Variants in ZYX observed in about 807,000 individuals in gnomAD.
The protein encoded by ZYX is zyxin.
ZYX carries 37 observed loss-of-function variants against 58.1 expected under a neutral mutation model. That is an observed-to-expected ratio of 0.64 (90% CI 0.49 to 0.84). The LOEUF (loss-of-function observed/expected upper bound fraction) is 0.84, where lower values mean the gene tolerates loss of function less well. ZYX is among the 40% of genes least tolerant of loss of function. ZYX has a pLI of 0.00. For synonymous variants in ZYX, 324 were observed against 321.1 expected (o/e 1.01, Z -0.10); for missense variants, 762 against 761.6 (o/e 1.00, Z -0.01).
intron 5 of ZYX, among the ~76,000 whole-genome samples, chr7:143,386,098 ATG>A (rs1170847794): frequency 1.3e-5 from 2 of 150,972 alleles, no homozygotes. Context: ...GTATGTGGGT[ATG>A]TGTGAGGGTG....
Position 143,383,205 on chromosome 7 carries a change from T to C in ZYX, c.906T>C (p.Leu302=), listed in dbSNP as rs757055996. 1.4e-5 allele frequency: 22 copies of C among 1,614,152 alleles called. No homozygotes were observed. Among genetic ancestry groups the C allele is most frequent in the Non-Finnish European group, 1.9e-5 (22 of 1,180,030 alleles). The change falls in exon 5 of 10, where the codon CTT becomes CTC. Residue 302 remains leucine, a synonymous_variant. Transcript: ENST00000322764. ...PNQKLGHPEA[L]SAGTGSPQPP... is the part of the protein sequence containing the mutation. The stretch of plus-strand genomic sequence containing the variant: ...AAAAATTGGGGCACCCCGAAGCTCT[T>C]TCTGCTGGCACAGGCTCCCCTCAAC...
At position 143,381,416 on chromosome 7, in the gene ZYX, C is replaced by A. The variant is rs1421618368; in HGVS notation, c.-16+7C>A. ...GCGCACGCTCCGGCCTGCGGTGAGGCGCGGGGAGCGGCAGGGCGGCCCCAC... is the reference window on the plus strand; with the variant it reads ...GCGCACGCTCCGGCCTGCGGTGAGGAGCGGGGAGCGGCAGGGCGGCCCCAC... On this transcript the variant is annotated splice_region_variant and intron_variant, in intron 1 of 9. Coordinates refer to ENST00000322764, the MANE Select transcript of ZYX (RefSeq NM_003461.5). 1.5e-5 allele frequency: 19 copies of A among 1,239,576 alleles called. No individual in the cohort carries two copies. The highest frequency in any genetic ancestry group is 8.8e-5 in the Admixed American group (2 of 22,634). 76.8% of individuals were successfully genotyped at this position (1,239,576 alleles called of 1,614,324 possible). A position where few individuals can be genotyped will look rare whatever the true frequency, so the allele number is the denominator to read the frequency against.
In ZYX at chr7:143,388,306, G is replaced by A; in HGVS notation, c.1111G>A (p.Glu371Lys). ...QLTQQLMQDMEHPQRQNVAVN... is the reference protein window; with the variant it reads ...QLTQQLMQDMKHPQRQNVAVN... ...GACCCAGCAGCTAATGCAGGACATGGAGCATCCTCAGAGGCAGAATGTGGC... is the reference window on the plus strand; with the variant it reads ...GACCCAGCAGCTAATGCAGGACATGAAGCATCCTCAGAGGCAGAATGTGGC... The change falls in exon 6 of 10, where the codon GAG (glutamate) becomes AAG (lysine). Residue 371 changes from glutamate to lysine, a missense_variant. Physicochemically the swap from Glu to Lys is moderately conservative, Grantham distance 56 (BLOSUM62 1). Transcript: ENST00000322764. This position sits in a 1 kb window ranked among gnomAD's most constrained non-coding sequence, Gnocchi z 7.5. The A allele has an allele frequency of 6.2e-7, 1 of 1,613,824 alleles. No homozygotes were observed. The highest frequency in any genetic ancestry group is 8.5e-7 in the Non-Finnish European group (1 of 1,179,850).
chr7:143,388,606 G>A lies in ZYX; in HGVS notation c.1262G>A (p.Gly421Asp). Reference sequence around the variant, plus strand: ...CACCAGTGTGCGCAGCAGCTCCAGGGCCAGCAGTTCTACAGTCTGGAGGGG... The same window carrying A: ...CACCAGTGTGCGCAGCAGCTCCAGGACCAGCAGTTCTACAGTCTGGAGGGG... ...TCHQCAQQLQ[G>D]QQFYSLEGAP... Residue 421 changes from glycine (G) to aspartate (D), a missense_variant, in exon 7 of 10, where the codon GGC becomes GAC. Coordinates refer to ENST00000322764, the MANE Select transcript of ZYX (RefSeq NM_003461.5). The surrounding 1 kb of genome is among the most constrained non-coding windows in gnomAD (Gnocchi z 7.5). 6.2e-7 allele frequency: 1 copy of A among 1,613,230 alleles called. No individual in the cohort carries two copies. Among genetic ancestry groups the A allele is most frequent in the Non-Finnish European group, 8.5e-7 (1 of 1,179,970 alleles).
At chr7:143,385,628 A>AGTGGT (rs1386882869) in intron 5 of ZYX, among the ~76,000 whole-genome samples, 26 of 132,430 alleles carry the variant, frequency 2.0e-4, no homozygotes, top group African/African-American at 5.8e-4. Flanking sequence ...TATATATGTG[A>AGTGGT]GTGGTGTGTG....
rs1804637061 is a variant in ZYX at position 143,382,205 on chromosome 7, G to A, written c.209-43G>A. The stretch of plus-strand genomic sequence containing the variant: ...TTAACTGAGGGGAGCTTGGGTGAGG[G>A]GTAGAGGGACCCCGGCCGACGTCTT... On this transcript the variant is annotated intron_variant, in intron 2 of 9. Transcript: ENST00000322764. 1.9e-6 allele frequency: 3 copies of A among 1,540,694 alleles called. No homozygotes were observed. In the East Asian group the frequency reaches 6.7e-5, roughly 35 times the overall value.
chr7:143,390,586 G>GA lies in ZYX; in HGVS notation c.1625dup (p.Pro543AlafsTer5), dbSNP rs952240012. 10 of 1,567,186 alleles carry GA rather than the reference G, an allele frequency of 6.4e-6. No individual in the cohort carries two copies. The highest frequency in any genetic ancestry group is 8.7e-6 in the Non-Finnish European group (10 of 1,155,144). ...CCCTTCCTTCTTCCCAGGACTGCGGGAAGCCCCTGTCGATTGAGGCAGATG... is the reference window on the plus strand; with the variant it reads ...CCCTTCCTTCTTCCCAGGACTGCGGGAAAGCCCCTGTCGATTGAGGCAGATG... On this transcript the variant is annotated frameshift_variant, in exon 10 of 10. Transcript: ENST00000322764. LOFTEE classifies it high-confidence loss of function. The surrounding 1 kb of genome is among the most constrained non-coding windows in gnomAD (Gnocchi z 4.3).
chr7:143,382,046 G>A, intron 2 of ZYX: 1 of 603,676 alleles, frequency 1.7e-6, no homozygotes, highest in East Asian at 2.9e-5. Context: ...AAGTGTAACG[G>A]GAGCTGCACC....
chr7:143,383,916 G>A (rs1349386807), intron 5 of ZYX, among the ~76,000 whole-genome samples: 2 of 152,206 alleles, frequency 1.3e-5, no homozygotes, highest in Non-Finnish European at 2.9e-5. Flanking sequence ...TCCTTAGACT[G>A]GGCAAGTTAG....
chr7:143,382,401 C>T lies in ZYX; in HGVS notation c.362C>T (p.Pro121Leu), dbSNP rs761060898. 3 of 1,580,288 alleles carry T rather than the reference C, an allele frequency of 1.9e-6. No homozygotes were observed. The highest frequency in any genetic ancestry group is 2.6e-6 in the Non-Finnish European group (3 of 1,164,446). ...ATCTTCCCTTCCCCGCCGCCTCCTC[C>T]GGAGGAGGAGGGAGGGCCTGAGGCC... is the stretch of plus-strand genomic sequence containing the variant. Reference protein sequence around the residue: ...EEIFPSPPPPPEEEGGPEAPI... With the variant: ...EEIFPSPPPPLEEEGGPEAPI... The change falls in exon 3 of 10, where the codon CCG becomes CTG. Residue 121 changes from proline to leucine, a missense_variant. Coordinates refer to ENST00000322764, the MANE Select transcript of ZYX (RefSeq NM_003461.5).
intron 5 of ZYX, among the ~76,000 whole-genome samples, chr7:143,386,506 C>CA (rs1325694129): frequency 1.6e-4 from 25 of 152,110 alleles, no homozygotes; most frequent in Non-Finnish European, 1.2e-4. Flanking sequence ...GTTGTGAGCT[C>CA]ACGCTGCAGT....
Position 143,381,747 on chromosome 7 carries a change from G to C in ZYX, c.176G>C (p.Arg59Pro). The C allele has an allele frequency of 1.3e-6, 2 of 1,588,268 alleles. No homozygotes were observed. Among genetic ancestry groups the C allele is most frequent in the Non-Finnish European group, 1.7e-6 (2 of 1,167,514 alleles). The part of the protein sequence containing the change: ...APGAQRAQMG[R>P]VGEIPPPPPE... Reference sequence around the variant, plus strand: ...GGGGCCCAGCGCGCACAGATGGGCCGGGTGGGCGAGATTCCCCCGCCGCCC... The same window carrying C: ...GGGGCCCAGCGCGCACAGATGGGCCCGGTGGGCGAGATTCCCCCGCCGCCC... Residue 59 changes from arginine to proline, a missense_variant, in exon 2 of 10, where the codon CGG (arginine) becomes CCG (proline). Arg to Pro is a moderately radical substitution (Grantham distance 103). Coordinates refer to ENST00000322764, the MANE Select transcript of ZYX (RefSeq NM_003461.5).
rs1408444903 is a variant in ZYX, at chr7:143,387,539, C to G, written c.1024-680C>G. ...CAGCGCTGTCCTTAACATCCACCCC[C>G]CACTCCAGTCCCCGGGATCCCCTAA... On this transcript the variant is annotated intron_variant, in intron 5 of 9. Coordinates refer to ENST00000322764, the MANE Select transcript of ZYX (RefSeq NM_003461.5). The surrounding 1 kb of genome is among the most constrained non-coding windows in gnomAD (Gnocchi z 5.8). Among the ~76,000 whole-genome samples, 2 of 152,186 alleles carry G rather than the reference C, an allele frequency of 1.3e-5. No individual in the cohort carries two copies. Among genetic ancestry groups the G allele is most frequent in the Non-Finnish European group, 2.9e-5 (2 of 68,020 alleles).
At position 143,389,479 on chromosome 7, in the gene ZYX, A is replaced by T. The variant is rs1325382209; in HGVS notation, c.1494-378A>T. 6.6e-6 allele frequency among the ~76,000 whole-genome samples: 1 copy of T among 152,010 alleles called. No homozygotes were observed. The highest frequency in any genetic ancestry group is 1.5e-5 in the Non-Finnish European group (1 of 67,998). ...CCACAGTGCCAGACAGTCAGGGCAG[A>T]GGCAACGTGCATGGGGGTGGGAGGA... On this transcript the variant is annotated intron_variant, in intron 8 of 9. Coordinates refer to ENST00000322764, the MANE Select transcript of ZYX (RefSeq NM_003461.5). This position sits in a 1 kb window ranked among gnomAD's most constrained non-coding sequence, Gnocchi z 5.6.
In ZYX at chr7:143,389,988, C is replaced by T; in HGVS notation, c.1614+11C>T. The T allele has an allele frequency of 6.2e-7, 1 of 1,613,654 alleles. No homozygotes were observed. The highest frequency in any genetic ancestry group is 8.5e-7 in the Non-Finnish European group (1 of 1,179,738). On this transcript the variant is annotated intron_variant, in intron 9 of 9. Coordinates refer to ENST00000322764, the MANE Select transcript of ZYX (RefSeq NM_003461.5). This position sits in a 1 kb window ranked among gnomAD's most constrained non-coding sequence, Gnocchi z 5.6. ...TGTTACAAGTGTGAGGTCAGCCATCCCTCTGGACTCCTTGGGCAGGTTCTG... is the reference window on the plus strand; with the variant it reads ...TGTTACAAGTGTGAGGTCAGCCATCTCTCTGGACTCCTTGGGCAGGTTCTG...
At position 143,382,681 on chromosome 7, in the gene ZYX, C is replaced by T. The variant is rs1331792896; in HGVS notation, c.497C>T (p.Ala166Val). Residue 166 changes from alanine (A) to valine (V), a missense_variant, in exon 4 of 10, where the codon GCC becomes GTC. By Grantham distance (64) the Ala-to-Val change is moderately conservative. Coordinates refer to ENST00000322764, the MANE Select transcript of ZYX (RefSeq NM_003461.5). ...ATGACCAAGAATGATCCTTTCAAAG[C>T]CCGGGTAAGGGACCGGAGAGTAGGA... ...DDMTKNDPFKARVSSGYVPPP... is the reference protein window; with the variant it reads ...DDMTKNDPFKVRVSSGYVPPP... 6.2e-7 allele frequency: 1 copy of T among 1,614,086 alleles called. No homozygotes were observed.
chr7:143,388,850 C>G lies in ZYX; in HGVS notation c.1398C>G (p.His466Gln). The change falls in exon 8 of 10, where the codon CAC (histidine) becomes CAG (glutamine). Residue 466 changes from histidine to glutamine, a missense_variant. By Grantham distance (24) the His-to-Gln change is conservative. Coordinates refer to ENST00000322764, the MANE Select transcript of ZYX (RefSeq NM_003461.5). This position sits in a 1 kb window ranked among gnomAD's most constrained non-coding sequence, Gnocchi z 7.5. ...CCACGGGCAAGGCCTATCACCCGCA[C>G]TGCTTCACCTGTGTGGTCTGCGCCC... ...LRATGKAYHP[H>Q]CFTCVVCARP... 2.5e-6 allele frequency: 4 copies of G among 1,614,118 alleles called. No individual in the cohort carries two copies. Among genetic ancestry groups the G allele is most frequent in the Non-Finnish European group, 3.4e-6 (4 of 1,180,010 alleles).
At chr7:143,383,545 C>T (rs1238695785) in intron 5 of ZYX, among the ~76,000 whole-genome samples, 3 of 151,982 alleles carry the variant, frequency 2.0e-5, no homozygotes, top group African/African-American at 7.3e-5. Flanking sequence ...CTGGGTGGGG[C>T]CTGGCTGGGA....
rs375422180 is a variant in ZYX, at chr7:143,382,944, G to A, written c.645G>A (p.Pro215=). 40 of 1,613,790 alleles carry A rather than the reference G, an allele frequency of 2.5e-5. No individual in the cohort carries two copies. Among genetic ancestry groups the A allele is most frequent in the Middle Eastern group, 3.3e-4 (2 of 6,082 alleles). The change falls in exon 5 of 10, where the codon CCG becomes CCA. Residue 215 remains proline (P), a synonymous_variant. Coordinates refer to ENST00000322764, the MANE Select transcript of ZYX (RefSeq NM_003461.5). ...AGCCTCTGCCCCAGGTTCCGGCTCC[G>A]GCTCAGAGCCAGACACAGTTCCATG... ...SSQPLPQVPA[P]AQSQTQFHVQ...
Sources: allele counts gnomAD v4.1 joint callset (sites outside exome capture counted in the v4.1 genomes callset), GRCh38; gene constraint gnomAD v4.1.1; non-coding constraint Gnocchi (gnomAD v3.1); transcripts MANE v1.5; gene names NCBI Gene and HGNC (gene_info 2026-07-23, HGNC 2026-07-21).